Variants in CNKSR2 observed in about 807,000 individuals in gnomAD.
The protein encoded by CNKSR2 is CNK homolog protein 2.
A neutral mutation model predicts 84.4 loss-of-function variants in CNKSR2; 14 were observed. That is an observed-to-expected ratio of 0.17 (90% CI 0.11 to 0.26). The LOEUF (loss-of-function observed/expected upper bound fraction) is 0.26. Ranked by LOEUF, CNKSR2 falls within the 10% of genes least tolerant of loss-of-function variation. The pLI is 1.00. For synonymous variants in CNKSR2, 275 were observed against 277.9 expected, an observed-to-expected ratio of 0.99 and a Z score of 0.10; for missense variants, 485 against 771.2, an observed-to-expected ratio of 0.63 and a Z score of 4.40.
intron 1 of CNKSR2, among the ~76,000 whole-genome samples, chrX:21,396,126 A>C (rs1203902135): frequency 9.0e-6 from 1 of 111,390 alleles, no homozygotes; most frequent in Non-Finnish European, 1.9e-5. Flanking sequence ...AATGCCCTCC[A>C]GCCTCTTGGA....
At chrX:21,572,472 T>C (rs1339771998) in intron 13 of CNKSR2, among the ~76,000 whole-genome samples, 1 of 112,170 alleles carries the variant, frequency 8.9e-6, no homozygotes, top group Non-Finnish European at 1.9e-5. Flanking sequence ...CTTATACTGC[T>C]ATAAGGACAT....
At position 21,437,763 on chromosome X, in the gene CNKSR2, T is replaced by C. The variant is rs770357381; in HGVS notation, c.432-2931T>C. Among the ~76,000 whole-genome samples, 16 of 110,782 alleles carry C rather than the reference T, an allele frequency of 1.4e-4. No homozygotes were observed. In the South Asian group the frequency reaches 6.1e-3, roughly 42 times the overall value. ...TATTTTTATTGAGGCCTAATTTATATTCTATAAATTAACCTATTTTAAGTA... is the reference window on the plus strand; with the variant it reads ...TATTTTTATTGAGGCCTAATTTATACTCTATAAATTAACCTATTTTAAGTA... On this transcript the variant is annotated intron_variant, in intron 3 of 21. Transcript: ENST00000379510.
chrX:21,443,485 C>A (rs2090813033), intron 4 of CNKSR2, among the ~76,000 whole-genome samples: 1 of 111,354 alleles, frequency 9.0e-6, no homozygotes, highest in Admixed American at 9.6e-5. Context: ...TTTACCTGAA[C>A]TGGTCCTCTC....
At position 21,375,091 on chromosome X, in the gene CNKSR2, G is replaced by T. The variant is rs2146930920; in HGVS notation, c.64+130G>T. ...ACTGGCGGATCGTCGTACGCGTCGG[G>T]GCGGGGGTCCTCCAGGACTGGCAGG... On this transcript the variant is annotated intron_variant, in intron 1 of 21. Coordinates refer to ENST00000379510, the MANE Select transcript of CNKSR2 (RefSeq NM_014927.5). The T allele has an allele frequency of 1.0e-5, 6 of 572,708 alleles. No individual in the cohort carries two copies. The South Asian group carries it at 1.5e-4, about 14-fold the overall frequency. The allele number at this position is 572,708 out of a possible 1,213,427, so 47.2% of individuals were successfully genotyped here.
At chrX:21,554,032 G>A (rs1349165378) in intron 11 of CNKSR2, among the ~76,000 whole-genome samples, 1 of 111,167 alleles carries the variant, frequency 9.0e-6, no homozygotes, top group Non-Finnish European at 1.9e-5. Flanking sequence ...CTCTAATGTA[G>A]AGAAATTGTC....
At chrX:21,523,651 T>C (rs1003078788) in intron 9 of CNKSR2, among the ~76,000 whole-genome samples, 3 of 110,390 alleles carry the variant, frequency 2.7e-5, no homozygotes, top group Non-Finnish European at 3.8e-5. Context: ...AAAACCTCAA[T>C]GCTGAAAGAA....
intron 6 of CNKSR2, chrX:21,495,786 A>C (rs2091490216): frequency 2.0e-5 from 1 of 51,175 alleles, no homozygotes; most frequent in Non-Finnish European, 3.4e-5. Flanking sequence ...TCCGTCTCAA[A>C]AAAAAAAAAA....
At chrX:21,498,984 A>G (rs1293275851) in intron 7 of CNKSR2, among the ~76,000 whole-genome samples, 1 of 111,663 alleles carries the variant, frequency 9.0e-6, no homozygotes, top group Non-Finnish European at 1.9e-5. Flanking sequence ...CTATGTAATC[A>G]CTTACTGATA....
intron 11 of CNKSR2, among the ~76,000 whole-genome samples, chrX:21,551,828 A>G (rs769390967): frequency 2.9e-4 from 33 of 112,120 alleles, no homozygotes; most frequent in African/African-American, 8.7e-4. Context: ...AGCAGATACT[A>G]GAAAATCAAA....
At chrX:21,519,314 G>T (rs1265808974) in intron 9 of CNKSR2, among the ~76,000 whole-genome samples, 1 of 111,141 alleles carries the variant, frequency 9.0e-6, no homozygotes, top group Non-Finnish European at 1.9e-5. Flanking sequence ...AAGGTACCAG[G>T]ATCTGGAGGG....
chrX:21,433,809 T>G (rs2090669304), intron 3 of CNKSR2, among the ~76,000 whole-genome samples: 1 of 110,419 alleles, frequency 9.1e-6, no homozygotes, highest in African/African-American at 3.3e-5. Flanking sequence ...ATTGTCTAAT[T>G]TTATATATAC....
intron 11 of CNKSR2, among the ~76,000 whole-genome samples, chrX:21,554,896 G>C (rs1271399271): frequency 9.0e-6 from 1 of 111,129 alleles, no homozygotes; most frequent in African/African-American, 3.3e-5. Context: ...TTAGGTCTTT[G>C]AGGAATTGCC....
chrX:21,508,054 G>A (rs191773897), intron 8 of CNKSR2, among the ~76,000 whole-genome samples: 10 of 112,471 alleles, frequency 8.9e-5, no homozygotes, highest in African/African-American at 2.3e-4. Flanking sequence ...GGCTGAGGGC[G>A]GTGGCTCATG....
At chrX:21,386,430 G>A (rs2089971257) in intron 1 of CNKSR2, among the ~76,000 whole-genome samples, 1 of 112,147 alleles carries the variant, frequency 8.9e-6, no homozygotes, top group South Asian at 3.7e-4. Flanking sequence ...AAAAACTATT[G>A]TGAAATAAAT....
chrX:21,532,711 G>C (rs935223989), intron 11 of CNKSR2, among the ~76,000 whole-genome samples: 4 of 111,723 alleles, frequency 3.6e-5, no homozygotes. Flanking sequence ...ATATCTGAAA[G>C]ATTTGCAGAT....
intron 13 of CNKSR2, among the ~76,000 whole-genome samples, chrX:21,586,151 G>C (rs2092386607): frequency 1.8e-5 from 2 of 111,421 alleles, no homozygotes; most frequent in African/African-American, 6.5e-5. Flanking sequence ...AGAGATGCCT[G>C]AGAGTCTTCT....
chrX:21,593,546 C>T (rs1275392604), intron 15 of CNKSR2: 1 of 111,929 alleles, frequency 8.9e-6, no homozygotes, highest in African/African-American at 3.2e-5. Context: ...GGAGCTTGAT[C>T]ATGAGCAGAA....
chrX:21,432,325 ATTAT>A (rs1415690880), intron 2 of CNKSR2, among the ~76,000 whole-genome samples: 1 of 111,797 alleles, frequency 8.9e-6, no homozygotes, highest in African/African-American at 3.2e-5. Context: ...AAACAAATTT[ATTAT>A]TTCTTACAAT....
chrX:21,496,968 T>G (rs1053774201), intron 6 of CNKSR2, among the ~76,000 whole-genome samples: 1 of 111,407 alleles, frequency 9.0e-6, no homozygotes, highest in Non-Finnish European at 1.9e-5. Flanking sequence ...TCTGATTTAC[T>G]TAAATTATTT....
Sources: allele counts gnomAD v4.1 joint callset (sites outside exome capture counted in the v4.1 genomes callset), GRCh38; gene constraint gnomAD v4.1.1; transcripts MANE v1.5; gene names NCBI Gene and HGNC (gene_info 2026-07-23, HGNC 2026-07-21).